Variants in MPP2 observed in about 807,000 individuals in gnomAD.
MPP2 encodes the protein MAGUK p55 scaffold protein 2, also known as MAGUK p55 subfamily member 2.
MPP2 carries 42 observed loss-of-function variants against 58.5 expected under a neutral mutation model. The observed-to-expected ratio is 0.72, with a 90% confidence interval of 0.56 to 0.93. The LOEUF (loss-of-function observed/expected upper bound fraction) is 0.93. Ranked by LOEUF, MPP2 falls within the 40% of genes least tolerant of loss-of-function variation. MPP2 has a pLI of 0.00. For synonymous variants in MPP2, 300 were observed against 307.8 expected, an observed-to-expected ratio of 0.97 and a Z score of 0.26; for missense variants, 632 against 760.4, an observed-to-expected ratio of 0.83 and a Z score of 1.99.
chr17:43,897,008 C>G (rs2047875006), intron 3 of MPP2, among the ~76,000 whole-genome samples: 1 of 152,130 alleles, frequency 6.6e-6, no homozygotes, highest in Non-Finnish European at 1.5e-5. Context: ...TGCCAAACAC[C>G]AAGTTCCACC....
intron 3 of MPP2, among the ~76,000 whole-genome samples, chr17:43,884,604 G>A (rs970571954): frequency 6.6e-6 from 1 of 152,144 alleles, no homozygotes; most frequent in African/African-American, 2.4e-5. Context: ...TTAGACTTAC[G>A]TTAATCCTTT....
chr17:43,878,270 C>A (rs2046936709), intron 12 of MPP2, among the ~76,000 whole-genome samples: 2 of 152,306 alleles, frequency 1.3e-5, no homozygotes, highest in East Asian at 1.9e-4. Context: ...AGGATTAATT[C>A]TTTCCCATTT....
Position 43,879,134 on chromosome 17 carries a change from G to A in MPP2, c.1482+141C>T, listed in dbSNP as rs1270554475. 9.5e-7 allele frequency: 1 copy of A among 1,056,006 alleles called. No individual in the cohort carries two copies. Among genetic ancestry groups the A allele is most frequent in the Non-Finnish European group, 1.4e-6 (1 of 721,534 alleles). 65.4% of individuals were successfully genotyped at this position (1,056,006 alleles called of 1,614,324 possible). A position where few individuals can be genotyped will look rare whatever the true frequency, so the allele number is the denominator to read the frequency against. On this transcript the variant is annotated intron_variant, in intron 12 of 12. Coordinates refer to ENST00000269095, the MANE Select transcript of MPP2 (RefSeq NM_005374.5). This position sits in a 1 kb window ranked among gnomAD's most constrained non-coding sequence, Gnocchi z 4.1. ...CTCCCCTTCCACATCTATGCAGGGG[G>A]GACCACGTCCTGCCTCACTGATAAC...
intron 12 of MPP2, 26 bp from the exon 13 acceptor site, chr17:43,878,009 T>A (rs1013819166): frequency 5.6e-6 from 9 of 1,599,150 alleles, no homozygotes; most frequent in Non-Finnish European, 7.7e-6. Flanking sequence ...GGGACCTCCC[T>A]ACAGTCAGTG....
At chr17:43,885,783 C>T (rs1289177786) in intron 3 of MPP2, among the ~76,000 whole-genome samples, 1 of 152,146 alleles carries the variant, frequency 6.6e-6, no homozygotes, top group Non-Finnish European at 1.5e-5. Context: ...ACAGTGTATA[C>T]TGCTTGGGTG....
chr17:43,900,467 C>G lies in MPP2; in HGVS notation c.32-2087G>C, dbSNP rs763123560. Reference sequence around the variant, plus strand: ...CCGCCCCCATCTGGCCCGCCCTTCCCTACCTTCCCTCTGGAGCTCCGCTTC... The same window carrying G: ...CCGCCCCCATCTGGCCCGCCCTTCCGTACCTTCCCTCTGGAGCTCCGCTTC... On this transcript the variant is annotated intron_variant, in intron 2 of 12. Coordinates refer to ENST00000269095, the MANE Select transcript of MPP2 (RefSeq NM_005374.5). The G allele has an allele frequency of 3.2e-6, 5 of 1,549,328 alleles. No homozygotes were observed. In the African/African-American group the frequency reaches 4.1e-5, roughly 13 times the overall value.
intron 3 of MPP2, among the ~76,000 whole-genome samples, chr17:43,886,337 T>C (rs2047368981): frequency 6.6e-6 from 1 of 151,202 alleles, no homozygotes; most frequent in African/African-American, 2.4e-5. Context: ...CAGGATGGAG[T>C]GCAGTGGCGC....
Position 43,878,131 on chromosome 17 carries a change from C to T in MPP2, c.1483-148G>A, listed in dbSNP as rs987877292. The T allele has an allele frequency of 2.8e-5, 21 of 745,082 alleles. No individual in the cohort carries two copies. In the East Asian group the frequency reaches 3.5e-4, roughly 13 times the overall value. The allele number at this position is 745,082 out of a possible 1,614,324, so 46.2% of individuals were successfully genotyped here. A position where few individuals can be genotyped will look rare whatever the true frequency, so the allele number is the denominator to read the frequency against. Reference sequence around the variant, plus strand: ...CTAGGGAGGCAGGGGCCCCTCTCTGCGTGCCTCAAAGTGGCTCACCATCAA... The same window carrying T: ...CTAGGGAGGCAGGGGCCCCTCTCTGTGTGCCTCAAAGTGGCTCACCATCAA... On this transcript the variant is annotated intron_variant, in intron 12 of 12. Transcript: ENST00000269095.
chr17:43,900,961 G>C (rs2048073581), intron 2 of MPP2, among the ~76,000 whole-genome samples: 1 of 151,982 alleles, frequency 6.6e-6, no homozygotes, highest in Non-Finnish European at 1.5e-5. Flanking sequence ...AGGGAGAAAA[G>C]TCTTGGCCCA....
intron 3 of MPP2, among the ~76,000 whole-genome samples, chr17:43,887,843 T>C (rs1366116714): frequency 1.3e-5 from 2 of 151,974 alleles, no homozygotes; most frequent in Non-Finnish European, 2.9e-5. Flanking sequence ...AATAGTAGTG[T>C]AGCTTTAAAG....
intron 3 of MPP2, among the ~76,000 whole-genome samples, chr17:43,889,151 C>A (rs972303981): frequency 7.2e-5 from 11 of 152,092 alleles, no homozygotes; most frequent in Non-Finnish European, 1.5e-4. Context: ...GTCACAAACT[C>A]CTGAGCTCAG....
At chr17:43,881,666 T>A in intron 6 of MPP2, 77 bp from the exon 7 acceptor site, 1 of 1,537,074 alleles carries the variant, frequency 6.5e-7, no homozygotes, top group Non-Finnish European at 8.8e-7. Context: ...CCATGCCCCC[T>A]CTTTTCACAG....
At chr17:43,901,840 T>G (rs1221844943) in intron 2 of MPP2, among the ~76,000 whole-genome samples, 1 of 152,220 alleles carries the variant, frequency 6.6e-6, no homozygotes, top group Non-Finnish European at 1.5e-5. Flanking sequence ...AAAGTAGATA[T>G]GGGGTCTCCC....
At chr17:43,878,940 C>T (rs937878399) in intron 12 of MPP2, among the ~76,000 whole-genome samples, 1 of 152,222 alleles carries the variant, frequency 6.6e-6, no homozygotes, top group African/African-American at 2.4e-5. Flanking sequence ...CCAAGCTCAC[C>T]TGGCCCACCT....
In MPP2 at chr17:43,883,038, C is replaced by G. The variant is rs553317360; in HGVS notation, c.318G>C (p.Thr106=). 68 of 1,613,186 alleles carry G rather than the reference C, an allele frequency of 4.2e-5. No homozygotes were observed. The South Asian group carries it at 7.3e-4, about 17-fold the overall frequency. The change falls in exon 5 of 13, where the codon ACG becomes ACC. Residue 106 remains threonine, a synonymous_variant. Coordinates refer to ENST00000269095, the MANE Select transcript of MPP2 (RefSeq NM_005374.5). ...QEPHFQSLLE[T]HDSVASKTYE... is the part of the protein sequence containing the mutation. ...AGGTCTTTGAGGCCACAGAGTCGTG[C>G]GTCTCCAGGAGGGACTGGGGGGTGG... is the stretch of plus-strand genomic sequence containing the variant.
At chr17:43,878,347 ACT>A in intron 12 of MPP2, among the ~76,000 whole-genome samples, 1 of 152,184 alleles carries the variant, frequency 6.6e-6, no homozygotes, top group South Asian at 2.1e-4. Context: ...GGTCTGCCTG[ACT>A]CTCAAGCCAG....
chr17:43,908,133 T>A (rs143498486), upstream of MPP2, among the ~76,000 whole-genome samples: 36 of 152,348 alleles, frequency 2.4e-4, no homozygotes, highest in African/African-American at 8.4e-4. Context: ...GAGGGAGGCC[T>A]GGTCCATTTT....
intron 1 of MPP2, among the ~76,000 whole-genome samples, chr17:43,906,763 A>T (rs2048306285): frequency 6.6e-6 from 1 of 152,042 alleles, no homozygotes. Flanking sequence ...GTTGTGAGCC[A>T]TCAAAGAAGG....
chr17:43,890,665 T>C (rs1263548031), intron 3 of MPP2, among the ~76,000 whole-genome samples: 2 of 152,218 alleles, frequency 1.3e-5, no homozygotes, highest in Non-Finnish European at 2.9e-5. Flanking sequence ...GTTTGACAGA[T>C]GTGACTTGCT....
Sources: gnomAD v4.1 joint callset for allele counts (sites outside exome capture counted in the v4.1 genomes callset) on GRCh38, gnomAD v4.1.1 for gene constraint, Gnocchi (gnomAD v3.1) non-coding constraint, MANE v1.5 for transcripts, NCBI Gene and HGNC (gene_info 2026-07-23, HGNC 2026-07-21) for gene names.